The following NRG3 variants were observed in gnomAD, a reference collection of about 807,000 sequenced individuals.
NRG3 encodes the protein pro-neuregulin-3, membrane-bound isoform.
NRG3 carries 31 observed loss-of-function variants against 66.9 expected under a neutral mutation model. The observed-to-expected ratio is 0.46, with a 90% CI of 0.35 to 0.63. NRG3 has a LOEUF of 0.63. NRG3 is among the 20% of genes least tolerant of loss of function. The pLI, the probability that NRG3 is intolerant of heterozygous loss-of-function variation, is 0.00. For missense variants in NRG3, 910 were observed against 878.9 expected (o/e 1.04, Z -0.45); for synonymous variants, 393 against 359.4 (o/e 1.09, Z -1.06).
intron 2 of NRG3, among the ~76,000 whole-genome samples, chr10:82,659,487 C>CA (rs1319019414): frequency 1.3e-5 from 2 of 151,848 alleles, no homozygotes; most frequent in Non-Finnish European, 2.9e-5. Context: ...ATTAAAAATA[C>CA]AAAAAATTAG....
intron 1 of NRG3, among the ~76,000 whole-genome samples, chr10:81,921,254 C>T (rs1846228752): frequency 6.6e-6 from 1 of 151,858 alleles, no homozygotes. Context: ...ATTATAATTG[C>T]TAATTGTATT....
At chr10:82,072,568 C>G (rs1423657075) in intron 1 of NRG3, among the ~76,000 whole-genome samples, 1 of 152,048 alleles carries the variant, frequency 6.6e-6, no homozygotes, top group Admixed American at 6.5e-5. Flanking sequence ...AATATTTGCT[C>G]TGCTTATAGA....
intron 1 of NRG3, among the ~76,000 whole-genome samples, chr10:82,038,547 T>G (rs2062895922): frequency 6.6e-6 from 1 of 152,102 alleles, no homozygotes; most frequent in African/African-American, 2.4e-5. Flanking sequence ...CCCATGAGTT[T>G]TGTTTTGTTT....
At chr10:82,470,823 T>C (rs1023784701) in intron 2 of NRG3, among the ~76,000 whole-genome samples, 3 of 152,304 alleles carry the variant, frequency 2.0e-5, no homozygotes, top group Admixed American at 6.5e-5. Context: ...CAGTCCTTAG[T>C]TGAAGTGAGA....
At chr10:82,319,379 T>C (rs961617594) in intron 1 of NRG3, among the ~76,000 whole-genome samples, 1 of 152,236 alleles carries the variant, frequency 6.6e-6, no homozygotes, top group African/African-American at 2.4e-5. Flanking sequence ...CTGTGGATAA[T>C]GAGGCTGTTG....
chr10:81,994,409 T>TA (rs1168345336), intron 1 of NRG3, among the ~76,000 whole-genome samples: 1 of 152,124 alleles, frequency 6.6e-6, no homozygotes, highest in African/African-American at 2.4e-5. Flanking sequence ...AGGTAATATT[T>TA]AAAAAAATCA....
chr10:82,721,542 C>T (rs891621595), intron 2 of NRG3, among the ~76,000 whole-genome samples: 1 of 152,116 alleles, frequency 6.6e-6, no homozygotes, highest in East Asian at 1.9e-4. Context: ...CCTGCCTCAG[C>T]CTTTCGAGTA....
intron 2 of NRG3, among the ~76,000 whole-genome samples, chr10:82,534,794 A>G (rs1342834534): frequency 2.0e-5 from 3 of 152,190 alleles, no homozygotes; most frequent in South Asian, 2.1e-4. Flanking sequence ...GATCTGGGAC[A>G]AGAATGCTAA....
chr10:82,598,635 A>C (rs2133375525), intron 2 of NRG3, among the ~76,000 whole-genome samples: 1 of 152,330 alleles, frequency 6.6e-6, no homozygotes, highest in Non-Finnish European at 1.5e-5. Flanking sequence ...GTCTATATCA[A>C]ATTATGCTTA....
chr10:82,491,958 C>T (rs1843184606), intron 2 of NRG3, among the ~76,000 whole-genome samples: 1 of 152,190 alleles, frequency 6.6e-6, no homozygotes, highest in Non-Finnish European at 1.5e-5. Flanking sequence ...TAAGTATTTT[C>T]TTCAACTTTA....
At chr10:82,282,739 T>C (rs748264164) in intron 1 of NRG3, among the ~76,000 whole-genome samples, 1 of 152,156 alleles carries the variant, frequency 6.6e-6, no homozygotes, top group African/African-American at 2.4e-5. Context: ...AGATGGGACA[T>C]GGTGGTCCCC....
chr10:82,908,359 T>A (rs992855922), intron 4 of NRG3, among the ~76,000 whole-genome samples: 1 of 152,176 alleles, frequency 6.6e-6, no homozygotes, highest in Non-Finnish European at 1.5e-5. Context: ...AATTCAGAAA[T>A]GTTTTCTGAG....
At chr10:82,838,421 T>C (rs2062885093) in intron 3 of NRG3, among the ~76,000 whole-genome samples, 1 of 152,182 alleles carries the variant, frequency 6.6e-6, no homozygotes, top group Non-Finnish European at 1.5e-5. Flanking sequence ...TCTCATTTTA[T>C]GGTGACAATA....
chr10:82,666,478 C>T (rs965218914), intron 2 of NRG3, among the ~76,000 whole-genome samples: 1 of 152,106 alleles, frequency 6.6e-6, no homozygotes, highest in African/African-American at 2.4e-5. Flanking sequence ...GTCTGAAATC[C>T]TCAGCCTTCC....
intron 4 of NRG3, among the ~76,000 whole-genome samples, chr10:82,881,908 C>T (rs1345231958): frequency 6.6e-6 from 1 of 152,272 alleles, no homozygotes. Context: ...TGTCCAGAAA[C>T]CCTCAAGGAC....
intron 3 of NRG3, among the ~76,000 whole-genome samples, chr10:82,829,783 C>A (rs2062424005): frequency 6.6e-6 from 1 of 152,226 alleles, no homozygotes; most frequent in African/African-American, 2.4e-5. Context: ...AATTTAAAAG[C>A]TTGGTGGAAC....
chr10:82,095,303 A>C (rs1263501451), intron 1 of NRG3, among the ~76,000 whole-genome samples: 1 of 136,604 alleles, frequency 7.3e-6, no homozygotes, highest in East Asian at 2.0e-4. Context: ...CTTAAGCCAA[A>C]AAAAAAAAAT....
intron 2 of NRG3, among the ~76,000 whole-genome samples, chr10:82,437,272 TATTTC>T (rs1328375425): frequency 2.6e-5 from 4 of 151,892 alleles, no homozygotes; most frequent in African/African-American, 9.7e-5. Context: ...CTGCATGTCT[TATTTC>T]AGTAAGGTGG....
chr10:81,927,430 T>G (rs1246871162), intron 1 of NRG3, among the ~76,000 whole-genome samples: 1 of 152,302 alleles, frequency 6.6e-6, no homozygotes, highest in East Asian at 1.9e-4. Context: ...CTATTAAAAG[T>G]GAATATTAAC....
Sources: gnomAD v4.1 joint callset for allele counts (sites outside exome capture counted in the v4.1 genomes callset) on GRCh38, gnomAD v4.1.1 for gene constraint, MANE v1.5 for transcripts, NCBI Gene and HGNC (gene_info 2026-07-23, HGNC 2026-07-21) for gene names.